The following URGCP variants were observed in gnomAD, a reference collection of about 807,000 sequenced individuals.
URGCP encodes the protein up-regulator of cell proliferation.
URGCP carries 13 observed loss-of-function variants against 24.6 expected under a neutral mutation model. The ratio of observed to expected loss-of-function variants is 0.53; its 90% CI spans 0.34 to 0.84. The LOEUF is 0.84. URGCP is among the 40% of genes least tolerant of loss of function. The pLI, the probability that URGCP is intolerant of heterozygous loss-of-function variation, is 0.01. For missense variants in URGCP, 899 were observed against 1,194.3 expected (o/e 0.75, Z 3.64); for synonymous variants, 444 against 487.2 (o/e 0.91, Z 1.17).
Position 43,906,571 on chromosome 7 carries a change from G to A in URGCP, c.5C>T (p.Ala2Val). M[A>V]SPGIEVELLG... ...GCGAGGCGGCACTCACCCGGGCGAC[G>A]CCATGAGCGCAGCGAGGTCTCCGCT... The change falls in exon 1 of 6, where the codon GCG becomes GTG. Residue 2 changes from alanine (A) to valine (V), a missense_variant. Ala to Val is a moderately conservative substitution (Grantham distance 64, BLOSUM62 0). Coordinates refer to ENST00000453200, the MANE Select transcript of URGCP (RefSeq NM_001077663.3). 1 of 1,241,658 alleles carries A rather than the reference G, an allele frequency of 8.1e-7. No individual in the cohort carries two copies. The highest frequency in any genetic ancestry group is 2.5e-5 in the South Asian group (1 of 40,186). 76.9% of individuals were successfully genotyped at this position (1,241,658 alleles called of 1,614,324 possible).
intron 1 of URGCP, among the ~76,000 whole-genome samples, chr7:43,923,280 C>A (rs1234249178): frequency 5.8e-5 from 7 of 119,836 alleles, no homozygotes; most frequent in Non-Finnish European, 9.9e-5. Context: ...CTGTGCCCAG[C>A]CTTTTTTTTT....
chr7:43,884,865 G>T (rs1029128006), intron 3 of URGCP, among the ~76,000 whole-genome samples: 2 of 152,082 alleles, frequency 1.3e-5, no homozygotes, highest in Non-Finnish European at 2.9e-5. Context: ...CTTCAGAGTT[G>T]AGTAAGATAA....
Position 43,906,368 on chromosome 7 carries a change from C to T in URGCP, c.14+194G>A, listed in dbSNP as rs931027958. ...TCCGCCGGCGCCCCCGCCCGCCCCC[C>T]ACGCCCGCGCGGCCGGTCCGCCCAA... On this transcript the variant is annotated intron_variant, in intron 1 of 5. Coordinates refer to ENST00000453200, the MANE Select transcript of URGCP (RefSeq NM_001077663.3). The T allele has an allele frequency of 3.5e-4, 121 of 350,126 alleles. No homozygotes were observed. In the African/African-American group the frequency reaches 8.2e-3, roughly 24 times the overall value. The allele number at this position is 350,126 out of a possible 1,614,324, so 21.7% of individuals were successfully genotyped here. A position where few individuals can be genotyped will look rare whatever the true frequency, so the allele number is the denominator to read the frequency against.
At chr7:43,918,807 G>A (rs2095918668) in intron 1 of URGCP, 1 of 1,137,360 alleles carries the variant, frequency 8.8e-7, no homozygotes. Context: ...GGGCACCATG[G>A]AGGAGTTCGC....
intron 1 of URGCP, among the ~76,000 whole-genome samples, chr7:43,891,796 T>C (rs889174038): frequency 1.3e-5 from 2 of 151,948 alleles, no homozygotes; most frequent in African/African-American, 2.4e-5. Flanking sequence ...TGTATTTTTT[T>C]CCCCCCGAGA....
chr7:43,886,181 T>C (rs1442680100), intron 3 of URGCP, among the ~76,000 whole-genome samples: 5 of 152,202 alleles, frequency 3.3e-5, no homozygotes, highest in African/African-American at 1.2e-4. Flanking sequence ...AGAGACGGTG[T>C]CTCACTATGT....
chr7:43,895,064 A>G (rs1474426883), intron 1 of URGCP, among the ~76,000 whole-genome samples: 2 of 152,098 alleles, frequency 1.3e-5, no homozygotes, highest in Non-Finnish European at 2.9e-5. Flanking sequence ...CAAAGGGACT[A>G]TGTCAAACTA....
Position 43,906,562 on chromosome 7 carries a change from C to G in URGCP, c.14G>C (p.Gly5Ala). Residue 5 changes from glycine (G) to alanine (A), a missense_variant and splice_region_variant, in exon 1 of 6, where the codon GGG becomes GCG. Physicochemically the swap from Gly to Ala is moderately conservative, Grantham distance 60 (BLOSUM62 0). Coordinates refer to ENST00000453200, the MANE Select transcript of URGCP (RefSeq NM_001077663.3). The stretch of plus-strand genomic sequence containing the variant: ...GCAGGGCCTGCGAGGCGGCACTCAC[C>G]CGGGCGACGCCATGAGCGCAGCGAG... MASP[G>A]IEVELLGKGH... is the part of the protein sequence containing the mutation. 4.0e-6 allele frequency: 5 copies of G among 1,242,348 alleles called. No homozygotes were observed. The highest frequency in any genetic ancestry group is 5.1e-6 in the Non-Finnish European group (5 of 985,282). The allele number at this position is 1,242,348 out of a possible 1,614,324, so 77.0% of individuals were successfully genotyped here.
chr7:43,889,869 C>A (rs1455633708), intron 1 of URGCP, among the ~76,000 whole-genome samples: 1 of 152,052 alleles, frequency 6.6e-6, no homozygotes, highest in East Asian at 1.9e-4. Context: ...ATATCCTTCA[C>A]AATGCTGAAA....
At chr7:43,899,362 A>C (rs1302064663) in intron 1 of URGCP, among the ~76,000 whole-genome samples, 1 of 149,770 alleles carries the variant, frequency 6.7e-6, no homozygotes, top group African/African-American at 2.5e-5. Context: ...CATGTGATCC[A>C]TCTGCCTCAG....
In URGCP at chr7:43,878,676, A is replaced by T; in HGVS notation, c.787T>A (p.Phe263Ile). 1 of 1,613,688 alleles carries T rather than the reference A, an allele frequency of 6.2e-7. No homozygotes were observed. Among genetic ancestry groups the T allele is most frequent in the Non-Finnish European group, 8.5e-7 (1 of 1,180,040 alleles). The change falls in exon 6 of 6, where the codon TTC becomes ATC. Residue 263 changes from phenylalanine (F) to isoleucine (I), a missense_variant. Phe to Ile is a conservative substitution (Grantham distance 21, BLOSUM62 0). Coordinates refer to ENST00000453200, the MANE Select transcript of URGCP (RefSeq NM_001077663.3). The surrounding 1 kb of genome is among the most constrained non-coding windows in gnomAD (Gnocchi z 5.6). ...CTGACGTCCATGCGCACGAAGGCGAAGGCGGGCGCCCTGGACAAGACCACG... is the reference window on the plus strand; with the variant it reads ...CTGACGTCCATGCGCACGAAGGCGATGGCGGGCGCCCTGGACAAGACCACG... ...DSVVLSRAPA[F>I]AFVRMDVSSN... is the part of the protein sequence containing the mutation.
chr7:43,925,798 C>CTTTTTT (rs60736722), intron 1 of URGCP, among the ~76,000 whole-genome samples: 1,401 of 116,362 alleles, frequency 0.012, 48 homozygotes, highest in East Asian at 0.023. Context: ...CCTCGTCTGG[C>CTTTTTT]TTTTTTTTTT....
At position 43,881,415 on chromosome 7, in the gene URGCP, G is replaced by A. The variant is rs1319726974; in HGVS notation, c.202+244C>T. 4.5e-5 allele frequency: 27 copies of A among 596,620 alleles called. No homozygotes were observed. The East Asian group carries it at 7.5e-4, about 16-fold the overall frequency. 37.0% of individuals were successfully genotyped at this position (596,620 alleles called of 1,614,324 possible). On this transcript the variant is annotated intron_variant, in intron 5 of 5. Coordinates refer to ENST00000453200, the MANE Select transcript of URGCP (RefSeq NM_001077663.3). ...CATGCTAACTTATTAAAGGCAGTGA[G>A]TATGTTGGGTGGTGGAGGGGGGGCC...
upstream of URGCP, chr7:43,906,674 C>A: frequency 9.7e-7 from 1 of 1,032,568 alleles, no homozygotes; most frequent in Admixed American, 5.7e-5. Flanking sequence ...CCCGCCCGCT[C>A]CGGGACGCGC....
Position 43,887,817 on chromosome 7 carries a change from C to T in URGCP, c.15-1G>A, listed in dbSNP as rs867098586. 6.6e-7 allele frequency: 1 copy of T among 1,519,184 alleles called. No homozygotes were observed. Among genetic ancestry groups the T allele is most frequent in the Middle Eastern group, 1.7e-4 (1 of 5,928 alleles). The allele number at this position is 1,519,184 out of a possible 1,614,324, so 94.1% of individuals were successfully genotyped here. ...TTTGCCCAGTAATTCCACTTCTATC[C>T]TAAGGAAATAATTAAGATTTAGTTA... On this transcript the variant is annotated splice_acceptor_variant, in intron 1 of 5. Transcript: ENST00000453200. LOFTEE classifies it high-confidence loss of function.
At chr7:43,887,669 C>G in intron 2 of URGCP, 121 bp downstream of exon 2, 1 of 1,489,990 alleles carries the variant, frequency 6.7e-7, no homozygotes, top group Non-Finnish European at 8.9e-7. Context: ...TTAAAAGTGC[C>G]CTCAATGATT....
At chr7:43,917,148 G>A (rs1332223196) in intron 1 of URGCP, among the ~76,000 whole-genome samples, 4 of 152,120 alleles carry the variant, frequency 2.6e-5, no homozygotes, top group East Asian at 3.8e-4. Flanking sequence ...TCAGCAAAAG[G>A]GTAGGAGTTT....
intron 5 of URGCP, 148 bp from the exon 6 acceptor site, chr7:43,879,408 G>T: frequency 1.1e-6 from 1 of 926,368 alleles, no homozygotes; most frequent in Non-Finnish European, 1.6e-6. Flanking sequence ...CTCAGGGTGT[G>T]CTCAAGGCTG....
At chr7:43,880,439 GT>G (rs2095852145) in intron 5 of URGCP, among the ~76,000 whole-genome samples, 1 of 152,124 alleles carries the variant, frequency 6.6e-6, no homozygotes, top group Non-Finnish European at 1.5e-5. Flanking sequence ...TTAATTAGTT[GT>G]CTTAAAATTT....
Sources: allele counts gnomAD v4.1 joint callset (sites outside exome capture counted in the v4.1 genomes callset), GRCh38; gene constraint gnomAD v4.1.1; non-coding constraint Gnocchi (gnomAD v3.1); transcripts MANE v1.5; gene names NCBI Gene and HGNC (gene_info 2026-07-23, HGNC 2026-07-21).